The following PRRC2B variants were observed in gnomAD, a reference collection of about 807,000 sequenced individuals.
The protein encoded by PRRC2B is protein PRRC2B.
In PRRC2B, 68 loss-of-function variants were observed where a neutral mutation model predicts 242.3. That is an observed-to-expected ratio of 0.28 (90% CI 0.23 to 0.34). The LOEUF (loss-of-function observed/expected upper bound fraction) is 0.34. Ranked by LOEUF, PRRC2B falls within the 10% of genes least tolerant of loss-of-function variation. PRRC2B has a pLI of 1.00. For missense variants in PRRC2B, 2,835 were observed against 2,954.8 expected (o/e 0.96, Z 0.94); for synonymous variants, 1,228 against 1,173.6 (o/e 1.05, Z -0.95).
At position 131,491,470 on chromosome 9, in the gene PRRC2B, A is replaced by T; in HGVS notation, c.6271A>T (p.Ile2091Phe). 6.2e-7 allele frequency: 1 copy of T among 1,611,730 alleles called. No individual in the cohort carries two copies. The highest frequency in any genetic ancestry group is 8.5e-7 in the Non-Finnish European group (1 of 1,179,278). ...GTACGGCTCCGGGCAGCAGCCACTG[A>T]TCCTGCCCCAGTCTATTCAGCTGCC... Reference protein sequence around the residue: ...PRYGSGQQPLILPQSIQLPPG... With the variant: ...PRYGSGQQPLFLPQSIQLPPG... The change falls in exon 29 of 32, where the codon ATC becomes TTC. Residue 2091 changes from isoleucine (I) to phenylalanine (F), a missense_variant. Transcript: ENST00000683519.
At chr9:131,466,817 T>G (rs534132044) in intron 12 of PRRC2B, among the ~76,000 whole-genome samples, 3 of 151,658 alleles carry the variant, frequency 2.0e-5, no homozygotes, top group Non-Finnish European at 4.4e-5. Context: ...CTTTTTTTTT[T>G]TGGAGACGGA....
chr9:131,384,256 G>A (rs1229835237), intron 1 of PRRC2B, among the ~76,000 whole-genome samples: 1 of 143,912 alleles, frequency 6.9e-6, no homozygotes, highest in Non-Finnish European at 1.6e-5. Flanking sequence ...ACCACGCCTG[G>A]CTAATTTTTG....
intron 9 of PRRC2B, among the ~76,000 whole-genome samples, chr9:131,451,777 T>A (rs143288673): frequency 2.4e-4 from 36 of 152,312 alleles, no homozygotes; most frequent in African/African-American, 6.3e-4. Flanking sequence ...TTTTTGTTTT[T>A]GTAAATTATG....
chr9:131,410,613 T>C (rs892777696), intron 1 of PRRC2B, among the ~76,000 whole-genome samples: 1 of 152,252 alleles, frequency 6.6e-6, no homozygotes, highest in East Asian at 1.9e-4. Flanking sequence ...GAACTAGTTA[T>C]TTAACCTTGC....
chr9:131,489,536 C>T (rs1288848013), intron 28 of PRRC2B, among the ~76,000 whole-genome samples: 2 of 152,120 alleles, frequency 1.3e-5, no homozygotes, highest in East Asian at 1.9e-4. Flanking sequence ...TCCTCCCCAT[C>T]AGCAGATCTG....
intron 1 of PRRC2B, among the ~76,000 whole-genome samples, chr9:131,397,563 G>GATTTT (rs1837098458): frequency 1.0e-5 from 1 of 98,990 alleles, no homozygotes; most frequent in Non-Finnish European, 1.9e-5. Context: ...ACTTTTGAGG[G>GATTTT]TTTTTTTTTT....
At chr9:131,441,955 A>C (rs1022306810) in intron 5 of PRRC2B, among the ~76,000 whole-genome samples, 2 of 145,230 alleles carry the variant, frequency 1.4e-5, no homozygotes, top group African/African-American at 5.1e-5. Context: ...TTGGGACCTT[A>C]TGAATACTGG....
intron 9 of PRRC2B, among the ~76,000 whole-genome samples, chr9:131,454,091 T>C (rs1331334704): frequency 6.6e-6 from 1 of 152,242 alleles, no homozygotes; most frequent in African/African-American, 2.4e-5. Flanking sequence ...TAGATTTGCA[T>C]ATTCTGGACA....
chr9:131,485,820 AAG>A (rs751638744), intron 25 of PRRC2B: 61 of 714,912 alleles, frequency 8.5e-5, no homozygotes, highest in African/African-American at 2.1e-4. Flanking sequence ...GGGAGGTGGG[AAG>A]GGTAGGCCAG....
chr9:131,396,183 AG>A (rs1372775458), intron 1 of PRRC2B, among the ~76,000 whole-genome samples: 3 of 152,048 alleles, frequency 2.0e-5, no homozygotes, highest in African/African-American at 7.2e-5. Flanking sequence ...CTCCATAGGA[AG>A]GTGATGAAAT....
rs374021300 is a variant in PRRC2B at position 131,484,778 on chromosome 9, C to T, written c.5553C>T (p.Asp1851=). The T allele has an allele frequency of 1.4e-5, 22 of 1,610,018 alleles. No individual in the cohort carries two copies. The highest frequency in any genetic ancestry group is 1.6e-4 in the Middle Eastern group (1 of 6,070). ...CCCCAATGTCCTTCCCCACCGCCGA[C>T]CTTACTCTGAAGGTAACACCAGCCC... ...GLSPMSFPTA[D]LTLKMESARK... The change falls in exon 24 of 32, where the codon GAC becomes GAT. Residue 1851 remains aspartate, a synonymous_variant. Coordinates refer to ENST00000683519, the MANE Select transcript of PRRC2B (RefSeq NM_013318.4).
At position 131,417,048 on chromosome 9, in the gene PRRC2B, C is replaced by T. The variant is rs147777481; in HGVS notation, c.-51-13046C>T. Among the ~76,000 whole-genome samples the T allele has an allele frequency of 1.2e-3, 177 of 152,226 alleles. 3 individuals are homozygous for T. Among genetic ancestry groups the T allele is most frequent in the East Asian group, 8.3e-3 (43 of 5,180 alleles). On this transcript the variant is annotated intron_variant, in intron 1 of 31. Transcript: ENST00000683519. ...GTCATCTCTCAGATACCTGTGGTCTCGGGCACACAGCTGATTGGAAACTGC... is the reference window on the plus strand; with the variant it reads ...GTCATCTCTCAGATACCTGTGGTCTTGGGCACACAGCTGATTGGAAACTGC...
At chr9:131,464,738 T>C (rs781465432) in intron 11 of PRRC2B, 25 bp from the exon 12 acceptor site, 2 of 1,549,874 alleles carry the variant, frequency 1.3e-6, no homozygotes, top group East Asian at 2.3e-5. Flanking sequence ...CCCACCGCCT[T>C]ATCTCAGAGA....
At chr9:131,444,102 C>A in intron 5 of PRRC2B, 83 bp from the exon 6 acceptor site, 2 of 1,507,686 alleles carry the variant, frequency 1.3e-6, no homozygotes, top group Middle Eastern at 1.7e-4. Context: ...CCAGGCAACA[C>A]GGCTTTCAAG....
rs1943645564 is a variant in PRRC2B, at chr9:131,474,932, A to G, written c.2803A>G (p.Arg935Gly). 1 of 1,594,564 alleles carries G rather than the reference A, an allele frequency of 6.3e-7. No individual in the cohort carries two copies. The highest frequency in any genetic ancestry group is 1.8e-5 in the Admixed American group (1 of 56,536). Residue 935 changes from arginine (R) to glycine (G), a missense_variant, in exon 16 of 32, where the codon AGG becomes GGG. Physicochemically the swap from Arg to Gly is moderately radical, Grantham distance 125 (BLOSUM62 -2). Coordinates refer to ENST00000683519, the MANE Select transcript of PRRC2B (RefSeq NM_013318.4). ...CAGCCAGCACCCGGAGCAGACGGGC[A>G]GGACCCGGAGGTCGGGACCCATCAA... ...SSSQHPEQTG[R>G]TRRSGPIKKP...
intron 1 of PRRC2B, among the ~76,000 whole-genome samples, chr9:131,381,853 C>G (rs1836765433): frequency 6.6e-6 from 1 of 151,776 alleles, no homozygotes; most frequent in South Asian, 2.1e-4. Flanking sequence ...GATTCTTGTG[C>G]CTCAGCCTCC....
intron 3 of PRRC2B, among the ~76,000 whole-genome samples, chr9:131,433,678 G>A (rs1380800273): frequency 6.6e-6 from 1 of 152,234 alleles, no homozygotes; most frequent in African/African-American, 2.4e-5. Flanking sequence ...CTCCTGGCCT[G>A]CATCTCTGGT....
At position 131,451,157 on chromosome 9, in the gene PRRC2B, T is replaced by G. The variant is rs867465762; in HGVS notation, c.1120+3353T>G. On this transcript the variant is annotated intron_variant, in intron 9 of 31. Transcript: ENST00000683519. ...GCTCACGCCTGTAATCCCACCACTT[T>G]GGGAGGCTGAGGTGGGTGGATCACA... Among the ~76,000 whole-genome samples, 90 of 152,304 alleles carry G rather than the reference T, an allele frequency of 5.9e-4. 1 individual carries two copies. The highest frequency in any genetic ancestry group is 3.4e-3 in the Middle Eastern group (1 of 294).
At chr9:131,431,216 T>C (rs182867890) in intron 2 of PRRC2B, among the ~76,000 whole-genome samples, 69 of 151,988 alleles carry the variant, frequency 4.5e-4, no homozygotes, top group African/African-American at 1.6e-3. Context: ...CTGTAAGCTC[T>C]GCCTCCCGGG....
Sources: allele counts gnomAD v4.1 joint callset (sites outside exome capture counted in the v4.1 genomes callset), GRCh38; gene constraint gnomAD v4.1.1; transcripts MANE v1.5; gene names NCBI Gene and HGNC (gene_info 2026-07-23, HGNC 2026-07-21).